The following ARMH3 variants were observed in gnomAD, a reference collection of about 807,000 sequenced individuals.
ARMH3 encodes the protein armadillo-like helical domain-containing protein 3.
ARMH3 carries 60 observed loss-of-function variants against 99.1 expected under a neutral mutation model. The ratio of observed to expected loss-of-function variants is 0.61; its 90% CI spans 0.49 to 0.75. The LOEUF is 0.75. ARMH3 is among the 30% of genes least tolerant of loss of function. The pLI is 0.00. For missense variants in ARMH3, 679 were observed against 843.1 expected, an observed-to-expected ratio of 0.81 and a Z score of 2.41; for synonymous variants, 285 against 292.8, an observed-to-expected ratio of 0.97 and a Z score of 0.27.
chr10:101,867,422 C>A (rs2067029364), intron 24 of ARMH3, among the ~76,000 whole-genome samples: 2 of 152,108 alleles, frequency 1.3e-5, no homozygotes, highest in African/African-American at 4.8e-5. Context: ...CTTTAAGGCT[C>A]ATTACATATG....
intron 16 of ARMH3, among the ~76,000 whole-genome samples, chr10:101,994,363 G>A (rs768905097): frequency 5.3e-5 from 8 of 152,170 alleles, no homozygotes; most frequent in Non-Finnish European, 1.0e-4. Flanking sequence ...TTGTGAAAAG[G>A]AGGTCATCTT....
chr10:102,039,280 G>A (rs1279649676), intron 2 of ARMH3, among the ~76,000 whole-genome samples: 1 of 152,026 alleles, frequency 6.6e-6, no homozygotes, highest in African/African-American at 2.4e-5. Flanking sequence ...GAATAGCTGA[G>A]ATTACAGGAG....
chr10:101,851,250 G>A (rs183647841), intron 24 of ARMH3, among the ~76,000 whole-genome samples: 2 of 152,306 alleles, frequency 1.3e-5, no homozygotes, highest in Admixed American at 1.3e-4. Flanking sequence ...ACTGTTCATA[G>A]CCAGGCCAGA....
At chr10:101,876,051 A>T (rs186136572) in intron 24 of ARMH3, among the ~76,000 whole-genome samples, 1 of 152,144 alleles carries the variant, frequency 6.6e-6, no homozygotes, top group East Asian at 1.9e-4. Context: ...GATTGAGACC[A>T]TCCTGGCCAA....
intron 24 of ARMH3, among the ~76,000 whole-genome samples, chr10:101,865,043 C>T (rs2066966902): frequency 1.3e-5 from 2 of 151,682 alleles, no homozygotes; most frequent in East Asian, 1.9e-4. Flanking sequence ...GGTGAAACCC[C>T]GTCTCTACTA....
chr10:101,902,195 T>C (rs1056527549), intron 23 of ARMH3, among the ~76,000 whole-genome samples: 13 of 152,192 alleles, frequency 8.5e-5, no homozygotes, highest in African/African-American at 3.1e-4. Context: ...AAGCCCCAAA[T>C]TGACCAAATG....
chr10:101,938,816 T>G (rs1476282960), intron 23 of ARMH3, among the ~76,000 whole-genome samples: 1 of 152,166 alleles, frequency 6.6e-6, no homozygotes, highest in Non-Finnish European at 1.5e-5. Flanking sequence ...GCAAAATGAG[T>G]CTGGTGACAG....
chr10:102,014,082 G>T, intron 8 of ARMH3, 58 bp from the exon 9 acceptor site: 2 of 1,386,142 alleles, frequency 1.4e-6, no homozygotes, highest in Non-Finnish European at 2.0e-6. Flanking sequence ...AAGCCCGTTA[G>T]CTATCTTTAA....
intron 23 of ARMH3, among the ~76,000 whole-genome samples, chr10:101,915,423 A>G (rs533089810): frequency 6.6e-6 from 1 of 152,376 alleles, no homozygotes; most frequent in Non-Finnish European, 1.5e-5. Flanking sequence ...TTGCAGCCAC[A>G]GAGCAATATT....
At chr10:101,906,397 T>C (rs146390285) in intron 23 of ARMH3, among the ~76,000 whole-genome samples, 3 of 152,320 alleles carry the variant, frequency 2.0e-5, no homozygotes, top group African/African-American at 4.8e-5. Flanking sequence ...CCTATGCTTC[T>C]GAAATCCAAC....
chr10:101,912,722 A>G (rs993147540), intron 23 of ARMH3, among the ~76,000 whole-genome samples: 5 of 152,330 alleles, frequency 3.3e-5, no homozygotes, highest in African/African-American at 1.2e-4. Context: ...AGGTGGTGAC[A>G]GCAGACATCC....
At chr10:101,872,535 A>G (rs1023004190) in intron 24 of ARMH3, among the ~76,000 whole-genome samples, 1 of 152,112 alleles carries the variant, frequency 6.6e-6, no homozygotes, top group Non-Finnish European at 1.5e-5. Context: ...CGTCTCTACT[A>G]AAAATACAAA....
At chr10:101,910,731 C>CAA (rs1227264596) in intron 23 of ARMH3, among the ~76,000 whole-genome samples, 2,162 of 77,538 alleles carry the variant, frequency 0.028, 35 homozygotes, top group Middle Eastern at 0.077. Context: ...GACTCCATCT[C>CAA]AAAAAAAAAA....
At chr10:101,929,976 T>C (rs960980503) in intron 23 of ARMH3, among the ~76,000 whole-genome samples, 15 of 152,198 alleles carry the variant, frequency 9.9e-5, no homozygotes, top group African/African-American at 2.9e-4. Context: ...ACACAAATTG[T>C]TCCAATGAGC....
At chr10:101,985,070 AAT>A (rs1169382085) in intron 19 of ARMH3, among the ~76,000 whole-genome samples, 2,161 of 135,522 alleles carry the variant, frequency 0.016, 31 homozygotes, top group South Asian at 0.032. Flanking sequence ...TCCATCTAAA[AAT>A]ATATATACAC....
intron 23 of ARMH3, among the ~76,000 whole-genome samples, chr10:101,925,299 T>C (rs932947912): frequency 2.0e-5 from 3 of 152,230 alleles, no homozygotes; most frequent in African/African-American, 7.2e-5. Flanking sequence ...CTAGATGTCA[T>C]TCAATGCAGG....
chr10:102,020,950 T>C (rs2066871213), intron 8 of ARMH3, among the ~76,000 whole-genome samples: 2 of 152,242 alleles, frequency 1.3e-5, no homozygotes, highest in South Asian at 4.1e-4. Context: ...TTTCCAGTCC[T>C]GCAAGCTCCA....
At chr10:101,855,534 A>AC (rs2135284274) in intron 24 of ARMH3, among the ~76,000 whole-genome samples, 1 of 150,394 alleles carries the variant, frequency 6.6e-6, no homozygotes, top group South Asian at 2.1e-4. Context: ...ATGGAGTGAG[A>AC]CCCCATCTCT....
chr10:102,036,214 G>A (rs892820728), intron 2 of ARMH3, among the ~76,000 whole-genome samples: 4 of 148,570 alleles, frequency 2.7e-5, no homozygotes, highest in Non-Finnish European at 6.0e-5. Flanking sequence ...GAAGTGGGGG[G>A]TCAGCCCCCG....
Sources: gnomAD v4.1 joint callset for allele counts (sites outside exome capture counted in the v4.1 genomes callset) on GRCh38, gnomAD v4.1.1 for gene constraint, MANE v1.5 for transcripts, NCBI Gene and HGNC (gene_info 2026-07-23, HGNC 2026-07-21) for gene names.